Variants in GLYATL2 observed in about 807,000 individuals in gnomAD.
The protein encoded by GLYATL2 is glycine N-acyltransferase-like protein 2.
In GLYATL2, 25 loss-of-function variants were observed where a neutral mutation model predicts 21.4. That is an observed-to-expected ratio of 1.17 (90% CI 0.85 to 1.63). GLYATL2 has a LOEUF of 1.63. Ranked by LOEUF, GLYATL2 falls within the 40% of genes most tolerant of loss-of-function variation. The probability of loss-of-function intolerance (pLI) is 0.00; values close to 1 mark genes in which losing one functional copy is unlikely to be tolerated. For missense variants in GLYATL2, 361 were observed against 343.3 expected, an observed-to-expected ratio of 1.05 and a Z score of -0.41; for synonymous variants, 114 against 118.2, an observed-to-expected ratio of 0.96 and a Z score of 0.23.
At chr11:58,870,648 G>T (rs1269699550) in intron 1 of GLYATL2, among the ~76,000 whole-genome samples, 1 of 152,140 alleles carries the variant, frequency 6.6e-6, no homozygotes, top group Non-Finnish European at 1.5e-5. Context: ...AAGCCTCCTG[G>T]GTAAAGGCAG....
intron 1 of GLYATL2, among the ~76,000 whole-genome samples, chr11:58,899,836 CAT>C (rs908904158): frequency 2.6e-5 from 4 of 152,128 alleles, no homozygotes; most frequent in African/African-American, 9.7e-5. Context: ...TATACACACA[CAT>C]ACATATATAG....
At chr11:58,862,829 T>C (rs755615842) in intron 1 of GLYATL2, among the ~76,000 whole-genome samples, 1 of 3,024 alleles carries the variant, frequency 3.3e-4, no homozygotes, top group Non-Finnish European at 0.062. Context: ...TTGGTTATTC[T>C]TTTTTTTTTC....
chr11:58,837,435 A>G, intron 3 of GLYATL2, 38 bp from the exon 4 acceptor site: 2 of 1,588,256 alleles, frequency 1.3e-6, no homozygotes, highest in Non-Finnish European at 1.7e-6. Flanking sequence ...ACATAGCGCT[A>G]CAATTTACAA....
At chr11:58,853,218 T>C (rs1172114801) in intron 1 of GLYATL2, among the ~76,000 whole-genome samples, 2 of 152,200 alleles carry the variant, frequency 1.3e-5, no homozygotes, top group Non-Finnish European at 2.9e-5. Flanking sequence ...AATTATTAAA[T>C]ATCCTGACAA....
intron 1 of GLYATL2, among the ~76,000 whole-genome samples, chr11:58,871,948 GT>G (rs1158825428): frequency 6.6e-6 from 1 of 152,166 alleles, no homozygotes; most frequent in Non-Finnish European, 1.5e-5. Flanking sequence ...AGCACCTGTT[GT>G]TTCCTGACTT....
chr11:58,903,015 T>G (rs949115283), intron 1 of GLYATL2, among the ~76,000 whole-genome samples: 3 of 152,202 alleles, frequency 2.0e-5, no homozygotes, highest in African/African-American at 7.2e-5. Flanking sequence ...CTCTAGGTAG[T>G]TAGTTTCTCT....
intron 1 of GLYATL2, among the ~76,000 whole-genome samples, chr11:58,885,258 C>T (rs1476402201): frequency 6.6e-6 from 1 of 152,172 alleles, no homozygotes; most frequent in Non-Finnish European, 1.5e-5. Flanking sequence ...TGAGTTCTGC[C>T]TGCTTGCTGG....
chr11:58,896,538 C>A (rs914923869), intron 1 of GLYATL2, among the ~76,000 whole-genome samples: 7 of 152,174 alleles, frequency 4.6e-5, no homozygotes, highest in African/African-American at 7.2e-5. Flanking sequence ...GCTTCCCTGC[C>A]ATCTCTAGCC....
At chr11:58,870,663 T>C (rs1253271396) in intron 1 of GLYATL2, among the ~76,000 whole-genome samples, 5 of 152,202 alleles carry the variant, frequency 3.3e-5, no homozygotes, top group African/African-American at 1.2e-4. Flanking sequence ...AGGCAGGATT[T>C]TATGACTCCT....
chr11:58,844,691 T>A lies in GLYATL2; in HGVS notation c.-298A>T, dbSNP rs915764638. On this transcript the variant is annotated 5_prime_UTR_variant, in exon 1 of 6. Coordinates refer to ENST00000287275, the MANE Select transcript of GLYATL2 (RefSeq NM_145016.4). Reference sequence around the variant, plus strand: ...AGAATATGTTCCATATTGAGCAGCTTCTACAATTCTAAGAAGTTTTACTCA... The same window carrying A: ...AGAATATGTTCCATATTGAGCAGCTACTACAATTCTAAGAAGTTTTACTCA... 9 of 152,210 alleles carry A rather than the reference T, an allele frequency of 5.9e-5. No homozygotes were observed. Among genetic ancestry groups the A allele is most frequent in the Non-Finnish European group, 1.3e-4 (9 of 68,034 alleles). The allele number at this position is 152,210 out of a possible 1,614,324, so 9.4% of individuals were successfully genotyped here.
rs181110356 is a variant in GLYATL2 at position 58,842,735 on chromosome 11, G to T, written c.-41+1699C>A. Among the ~76,000 whole-genome samples, 9 of 152,202 alleles carry T rather than the reference G, an allele frequency of 5.9e-5. No homozygotes were observed. The East Asian group carries it at 1.7e-3, about 29-fold the overall frequency. On this transcript the variant is annotated intron_variant, in intron 1 of 5. Transcript: ENST00000287275. ...AATGAATGACAATAAACAATGCTGT[G>T]CCAAAGGACTCAGTGAGGCCACCAT...
chr11:58,886,535 G>T (rs1028313655), intron 1 of GLYATL2, among the ~76,000 whole-genome samples: 10 of 152,124 alleles, frequency 6.6e-5, no homozygotes, highest in African/African-American at 2.4e-4. Context: ...AAAATAAGAG[G>T]ATCTTCTTCA....
intron 1 of GLYATL2, among the ~76,000 whole-genome samples, chr11:58,895,447 C>T (rs1854618482): frequency 6.6e-6 from 1 of 152,134 alleles, no homozygotes; most frequent in Non-Finnish European, 1.5e-5. Flanking sequence ...TCTCACTTTT[C>T]TGGAACCTGG....
chr11:58,877,218 C>T (rs1854251366), intron 1 of GLYATL2, among the ~76,000 whole-genome samples: 1 of 152,236 alleles, frequency 6.6e-6, no homozygotes, highest in Admixed American at 6.5e-5. Context: ...CGGGAATTCC[C>T]TGACCTCTTG....
intron 1 of GLYATL2, chr11:58,885,458 A>G: frequency 2.0e-6 from 1 of 508,234 alleles, no homozygotes; most frequent in South Asian, 1.4e-5. Context: ...GTATCACATC[A>G]ATCATAGGAA....
intron 1 of GLYATL2, among the ~76,000 whole-genome samples, chr11:58,900,741 C>T (rs1045175018): frequency 4.6e-5 from 7 of 152,204 alleles, no homozygotes; most frequent in African/African-American, 1.4e-4. Flanking sequence ...GCATCTCCCA[C>T]GCCCATCCCT....
chr11:58,889,704 T>C (rs1009761869), intron 1 of GLYATL2, among the ~76,000 whole-genome samples: 2 of 152,150 alleles, frequency 1.3e-5, no homozygotes, highest in African/African-American at 4.8e-5. Context: ...ATTCTGGCCT[T>C]TCTAAAACAA....
intron 1 of GLYATL2, among the ~76,000 whole-genome samples, chr11:58,900,550 G>A (rs1177985374): frequency 1.3e-5 from 2 of 152,138 alleles, no homozygotes; most frequent in African/African-American, 4.8e-5. Context: ...AGCAACGCTG[G>A]CCTTACACCG....
At chr11:58,874,477 T>C (rs1201538709) in intron 1 of GLYATL2, among the ~76,000 whole-genome samples, 1 of 152,258 alleles carries the variant, frequency 6.6e-6, no homozygotes, top group Admixed American at 6.5e-5. Context: ...CCAGAGATTC[T>C]GGAATGTTGT....
Sources: allele counts gnomAD v4.1 joint callset (sites outside exome capture counted in the v4.1 genomes callset), GRCh38; gene constraint gnomAD v4.1.1; transcripts MANE v1.5; gene names NCBI Gene and HGNC (gene_info 2026-07-23, HGNC 2026-07-21).